Variants in ITGA11 observed in about 807,000 individuals in gnomAD.
The protein encoded by ITGA11 is integrin subunit alpha 11, also known as integrin alpha-11.
Under a neutral mutation model 141.9 loss-of-function variants are expected in ITGA11, and 97 were observed. The observed-to-expected ratio is 0.68, with a 90% CI of 0.58 to 0.81. The LOEUF (loss-of-function observed/expected upper bound fraction) is 0.81. Ranked by LOEUF, ITGA11 falls within the 30% of genes least tolerant of loss-of-function variation. The pLI is 0.00. For missense variants in ITGA11, 1,387 were observed against 1,559.2 expected (o/e 0.89, Z 1.86); for synonymous variants, 658 against 624.6 (o/e 1.05, Z -0.80).
chr15:68,415,460 G>C (rs1896866603), intron 1 of ITGA11, among the ~76,000 whole-genome samples: 1 of 152,232 alleles, frequency 6.6e-6, no homozygotes, highest in South Asian at 2.1e-4. Flanking sequence ...GGCTTCTGTG[G>C]AAAAGCATCA....
In ITGA11 at chr15:68,348,826, A is replaced by AT; in HGVS notation, c.1131+3dup. The AT allele has an allele frequency of 6.2e-7, 1 of 1,606,078 alleles. No individual in the cohort carries two copies. On this transcript the variant is annotated splice_donor_region_variant and intron_variant, in intron 10 of 29. Coordinates refer to ENST00000315757, the MANE Select transcript of ITGA11 (RefSeq NM_001004439.2). ...GGCTCTGTGCCCGTACCTCCACCACATACCTCCACCACGTGCGAGGAAAAG... is the reference window on the plus strand; with the variant it reads ...GGCTCTGTGCCCGTACCTCCACCACATTACCTCCACCACGTGCGAGGAAAAG...
chr15:68,342,838 TG>T (rs1197009520), intron 10 of ITGA11, among the ~76,000 whole-genome samples: 1 of 152,136 alleles, frequency 6.6e-6, no homozygotes, highest in Non-Finnish European at 1.5e-5. Flanking sequence ...ATGCACCAGA[TG>T]GTCCCTTACG....
intron 4 of ITGA11, 28 bp downstream of exon 4, chr15:68,364,679 A>T: frequency 4.4e-6 from 5 of 1,142,912 alleles, no homozygotes; most frequent in Non-Finnish European, 5.1e-6. Flanking sequence ...GCCTCTCCTG[A>T]CCCCAAGCAG....
In ITGA11 at chr15:68,397,597, A is replaced by G. The variant is rs542134039; in HGVS notation, c.164+5321T>C. Among the ~76,000 whole-genome samples, 4 of 38,260 alleles carry G rather than the reference A, an allele frequency of 1.0e-4. 1 individual carries two copies. The East Asian group carries it at 7.8e-3, about 74-fold the overall frequency. The allele number at this position is 38,260 out of a possible 152,430, so 25.1% of individuals were successfully genotyped here. ...AATATTATATTTAAAATATTATAAA[A>G]TATTTAAAATATTATATTTAAAATA... is the stretch of plus-strand genomic sequence containing the variant. On this transcript the variant is annotated intron_variant, in intron 2 of 29. Transcript: ENST00000315757.
At chr15:68,385,758 T>C (rs1895970801) in intron 2 of ITGA11, among the ~76,000 whole-genome samples, 1 of 152,202 alleles carries the variant, frequency 6.6e-6, no homozygotes, top group Non-Finnish European at 1.5e-5. Context: ...GCTGGGAGAC[T>C]AGGTTTCAGT....
chr15:68,385,653 G>A (rs1007031804), intron 2 of ITGA11, among the ~76,000 whole-genome samples: 1 of 152,188 alleles, frequency 6.6e-6, no homozygotes, highest in Non-Finnish European at 1.5e-5. Context: ...TGAGATCTGC[G>A]ATGGTGGGTG....
chr15:68,358,497 G>A lies in ITGA11; in HGVS notation c.561C>T (p.Asn187=). The change falls in exon 6 of 30, where the codon AAC becomes AAT. Residue 187 remains asparagine, a synonymous_variant. Coordinates refer to ENST00000315757, the MANE Select transcript of ITGA11 (RefSeq NM_001004439.2). The part of the protein sequence containing the change: ...PWVEVQHFLI[N]ILKKFYIGPG... ...GGCCAATGTAAAACTTTTTCAGGAT[G>A]TTGATGAGGAAGTGCTGAACCTCCA... 2 of 1,613,864 alleles carry A rather than the reference G, an allele frequency of 1.2e-6. No homozygotes were observed. The highest frequency in any genetic ancestry group is 1.1e-5 in the South Asian group (1 of 90,910).
intron 2 of ITGA11, among the ~76,000 whole-genome samples, chr15:68,371,097 C>T (rs1895575744): frequency 6.6e-6 from 1 of 152,124 alleles, no homozygotes; most frequent in African/African-American, 2.4e-5. Context: ...TATTTTTGAC[C>T]GGCAGAAATT....
chr15:68,328,396 G>A lies in ITGA11; in HGVS notation c.1902-134C>T. ...GGAGGGGGTGAGGTGGAGGATGGAG[G>A]GGGCGAGGTGGAGGATGGAGGGGGC... On this transcript the variant is annotated intron_variant, in intron 15 of 29. Transcript: ENST00000315757. This position sits in a 1 kb window ranked among gnomAD's most constrained non-coding sequence, Gnocchi z 4.8. 1 of 619,640 alleles carries A rather than the reference G, an allele frequency of 1.6e-6. No homozygotes were observed. The highest frequency in any genetic ancestry group is 2.7e-6 in the Non-Finnish European group (1 of 366,860). 38.4% of individuals were successfully genotyped at this position (619,640 alleles called of 1,614,324 possible).
chr15:68,418,947 T>A (rs888823480), intron 1 of ITGA11, among the ~76,000 whole-genome samples: 2 of 151,948 alleles, frequency 1.3e-5, no homozygotes, highest in Non-Finnish European at 2.9e-5. Flanking sequence ...GGGCTTTCCC[T>A]CAGACGAGAG....
intron 20 of ITGA11, among the ~76,000 whole-genome samples, chr15:68,318,935 GC>G (rs1443118111): frequency 6.6e-6 from 1 of 152,242 alleles, no homozygotes; most frequent in African/African-American, 2.4e-5. Flanking sequence ...TGTCTTGAGG[GC>G]CTTCTATGTG....
intron 1 of ITGA11, among the ~76,000 whole-genome samples, chr15:68,430,737 C>T (rs1038724713): frequency 6.6e-6 from 1 of 152,220 alleles, no homozygotes; most frequent in Non-Finnish European, 1.5e-5. Context: ...CCCCTGCTCT[C>T]CCTTCCAAGC....
At chr15:68,370,002 C>T (rs116672701) in intron 2 of ITGA11, among the ~76,000 whole-genome samples, 3,719 of 152,162 alleles carry the variant, frequency 0.024, 133 homozygotes, top group African/African-American at 0.082. Context: ...AAGAGAGACA[C>T]GAGAAGACAG....
intron 1 of ITGA11, among the ~76,000 whole-genome samples, chr15:68,405,350 G>T (rs1896624498): frequency 6.6e-6 from 1 of 152,032 alleles, no homozygotes; most frequent in African/African-American, 2.4e-5. Context: ...AGATTTTGAG[G>T]TCAAGTCTGG....
chr15:68,350,065 G>A (rs1034263451), intron 9 of ITGA11, among the ~76,000 whole-genome samples: 10 of 152,308 alleles, frequency 6.6e-5, no homozygotes, highest in East Asian at 1.9e-4. Flanking sequence ...ACTCAACTCC[G>A]TTGAGTTTCA....
intron 2 of ITGA11, among the ~76,000 whole-genome samples, chr15:68,384,933 C>T (rs1234336637): frequency 2.0e-5 from 3 of 152,224 alleles, no homozygotes; most frequent in African/African-American, 7.2e-5. Context: ...TAAGATGCAT[C>T]TTTCTGCTCA....
intron 4 of ITGA11, among the ~76,000 whole-genome samples, chr15:68,364,448 C>A (rs1399764227): frequency 6.6e-6 from 1 of 152,204 alleles, no homozygotes; most frequent in Non-Finnish European, 1.5e-5. Context: ...TCGGGATATG[C>A]ACACAAAAGG....
intron 1 of ITGA11, among the ~76,000 whole-genome samples, chr15:68,408,664 C>T (rs144538199): frequency 0.019 from 2,951 of 152,144 alleles, 111 homozygotes; most frequent in African/African-American, 0.067. Flanking sequence ...CCTTGAAGGG[C>T]CATGTGGAGG....
At chr15:68,393,431 T>C (rs561583507) in intron 2 of ITGA11, among the ~76,000 whole-genome samples, 1 of 152,264 alleles carries the variant, frequency 6.6e-6, no homozygotes, top group South Asian at 2.1e-4. Context: ...AGATACATCA[T>C]AGTCAAACTG....
Sources: gnomAD v4.1 joint callset for allele counts (sites outside exome capture counted in the v4.1 genomes callset) on GRCh38, gnomAD v4.1.1 for gene constraint, Gnocchi (gnomAD v3.1) non-coding constraint, MANE v1.5 for transcripts, NCBI Gene and HGNC (gene_info 2026-07-23, HGNC 2026-07-21) for gene names.